Variants in DOCK2 observed in about 807,000 individuals in gnomAD.
DOCK2 encodes the protein dedicator of cytokinesis 2, also known as dedicator of cytokinesis protein 2.
In DOCK2, 87 loss-of-function variants were observed where a neutral mutation model predicts 248.9. The observed-to-expected ratio is 0.35, with a 90% confidence interval of 0.29 to 0.42. DOCK2 has a LOEUF of 0.42. Among genes scored for constraint, DOCK2 ranks in the 10% least tolerant of loss-of-function variants. DOCK2 has a pLI of 1.00. For synonymous variants in DOCK2, 805 were observed against 821.6 expected (o/e 0.98, Z 0.35); for missense variants, 1,747 against 2,300.2 (o/e 0.76, Z 4.92).
chr5:169,703,175 G>A (rs889513220), intron 14 of DOCK2, among the ~76,000 whole-genome samples: 8 of 152,086 alleles, frequency 5.3e-5, no homozygotes, highest in African/African-American at 1.7e-4. Context: ...TAGCATGGGC[G>A]AATATTCCTC....
intron 20 of DOCK2, among the ~76,000 whole-genome samples, chr5:169,716,563 A>G (rs918270064): frequency 6.6e-6 from 1 of 152,236 alleles, no homozygotes; most frequent in Non-Finnish European, 1.5e-5. Context: ...CTGAAGGTAC[A>G]TGAGGCTGGA....
At chr5:169,945,081 A>C (rs1776391558) in intron 27 of DOCK2, among the ~76,000 whole-genome samples, 1 of 152,198 alleles carries the variant, frequency 6.6e-6, no homozygotes, top group Non-Finnish European at 1.5e-5. Flanking sequence ...AGGGACCCTC[A>C]ATTCTCAGAT....
intron 25 of DOCK2, among the ~76,000 whole-genome samples, chr5:169,770,627 T>C (rs932260090): frequency 2.6e-5 from 4 of 152,212 alleles, no homozygotes; most frequent in African/African-American, 7.2e-5. Context: ...ATCATTCCAC[T>C]GCTTTCCTTT....
At chr5:169,775,630 A>T (rs1159878960) in intron 25 of DOCK2, among the ~76,000 whole-genome samples, 1 of 152,022 alleles carries the variant, frequency 6.6e-6, no homozygotes, top group Admixed American at 6.6e-5. Flanking sequence ...AGTTTTATAC[A>T]ATTATAAATA....
chr5:169,695,749 C>A, intron 9 of DOCK2, 54 bp from the exon 10 acceptor site: 2 of 1,602,100 alleles, frequency 1.2e-6, no homozygotes, highest in Admixed American at 1.8e-5. Context: ...TCTTGTCTAC[C>A]TTTTTTCCCC....
At position 169,949,669 on chromosome 5, in the gene DOCK2, G is replaced by A. The variant is rs1221254624; in HGVS notation, c.2800-33399G>A. Among the ~76,000 whole-genome samples the A allele has an allele frequency of 2.1e-5, 3 of 139,728 alleles. 1 individual carries two copies. Among genetic ancestry groups the A allele is most frequent in the East Asian group, 4.0e-4 (2 of 5,052 alleles). 91.7% of individuals were successfully genotyped at this position (139,728 alleles called of 152,430 possible). A position where few individuals can be genotyped will look rare whatever the true frequency, so the allele number is the denominator to read the frequency against. On this transcript the variant is annotated intron_variant, in intron 27 of 51. Coordinates refer to ENST00000520908, the MANE Select transcript of DOCK2 (RefSeq NM_004946.3). ...TGGGCTGTGGCTCACAGAGTAAATAGCATGTTCAATGTGATCTTTAAAATA... is the reference window on the plus strand; with the variant it reads ...TGGGCTGTGGCTCACAGAGTAAATAACATGTTCAATGTGATCTTTAAAATA...
At chr5:169,855,903 C>CAGAAA in intron 27 of DOCK2, among the ~76,000 whole-genome samples, 4 of 152,176 alleles carry the variant, frequency 2.6e-5, no homozygotes, top group African/African-American at 9.7e-5. Context: ...TTAATTTACT[C>CAGAAA]ACAGTTCCAT....
chr5:169,928,499 G>A (rs1775584727), intron 27 of DOCK2, among the ~76,000 whole-genome samples: 2 of 152,206 alleles, frequency 1.3e-5, no homozygotes, highest in African/African-American at 4.8e-5. Context: ...GCTGCTGAGA[G>A]TGAATCCAAG....
In DOCK2 at chr5:170,028,773, G is replaced by A. The variant is rs145515851; in HGVS notation, c.3467+825G>A. 4.1e-3 allele frequency among the ~76,000 whole-genome samples: 625 copies of A among 150,618 alleles called. 10 individuals are homozygous for A. Among genetic ancestry groups the A allele is most frequent in the East Asian group, 0.036 (182 of 5,106 alleles). On this transcript the variant is annotated intron_variant, in intron 34 of 51. Transcript: ENST00000520908. ...CACACACACACACACACACACGCGT[G>A]CGCACACACACCCAAACACTCCCCC...
At chr5:169,825,213 G>A (rs76115426) in intron 26 of DOCK2, among the ~76,000 whole-genome samples, 44,344 of 151,928 alleles carry the variant, frequency 0.29, 8,658 homozygotes, top group African/African-American at 0.56. Context: ...ACATTTTGGC[G>A]ATTCCTCAGG....
At chr5:169,798,132 C>T (rs147496097) in intron 25 of DOCK2, among the ~76,000 whole-genome samples, 112 of 152,330 alleles carry the variant, frequency 7.4e-4, no homozygotes, top group South Asian at 1.7e-3. Context: ...TGGTCTGCAG[C>T]TCCCACAGCC....
chr5:169,686,030 A>G (rs1476840610), intron 8 of DOCK2, among the ~76,000 whole-genome samples: 1 of 152,198 alleles, frequency 6.6e-6, no homozygotes, highest in Non-Finnish European at 1.5e-5. Context: ...CCTAACCTCA[A>G]AGAGTCAGCC....
Position 169,880,683 on chromosome 5 carries a change from A to G in DOCK2, c.2799+39831A>G, listed in dbSNP as rs571021584. Among the ~76,000 whole-genome samples the G allele has an allele frequency of 5.3e-4, 80 of 152,218 alleles. 1 individual carries two copies. The highest frequency in any genetic ancestry group is 1.1e-3 in the Non-Finnish European group (77 of 68,040). ...TATTATTTCATTTGGTCTTCATGGC[A>G]ACTCTGAATAGGGATAATTGTTCCC... On this transcript the variant is annotated intron_variant, in intron 27 of 51. Transcript: ENST00000520908.
chr5:169,652,935 C>T (rs541519963), intron 1 of DOCK2, among the ~76,000 whole-genome samples: 10 of 152,232 alleles, frequency 6.6e-5, no homozygotes, highest in South Asian at 2.1e-4. Context: ...GATCAGCCTA[C>T]GGTCCGTATC....
chr5:169,683,282 T>C (rs1238447904), intron 7 of DOCK2, among the ~76,000 whole-genome samples: 2 of 152,110 alleles, frequency 1.3e-5, no homozygotes, highest in African/African-American at 4.8e-5. Flanking sequence ...CAGGCTGGAG[T>C]ATAATGGTGT....
Position 170,082,960 on chromosome 5 carries a change from C to T in DOCK2, c.*102C>T. ...GAAGCCTCAGAGAGTGGGAGACTGT[C>T]CCCATCAGTTGTCCTTACTTAGAGG... On this transcript the variant is annotated 3_prime_UTR_variant, in exon 52 of 52. Coordinates refer to ENST00000520908, the MANE Select transcript of DOCK2 (RefSeq NM_004946.3). 3 of 1,468,794 alleles carry T rather than the reference C, an allele frequency of 2.0e-6. No individual in the cohort carries two copies. The highest frequency in any genetic ancestry group is 2.8e-6 in the Non-Finnish European group (3 of 1,060,246). The allele number at this position is 1,468,794 out of a possible 1,614,324, so 91.0% of individuals were successfully genotyped here. A position where few individuals can be genotyped will look rare whatever the true frequency, so the allele number is the denominator to read the frequency against.
At chr5:170,009,798 G>A (rs1288065887) in intron 32 of DOCK2, among the ~76,000 whole-genome samples, 2 of 152,186 alleles carry the variant, frequency 1.3e-5, no homozygotes, top group African/African-American at 4.8e-5. Context: ...GAAGCATAGA[G>A]CAGTGGATAG....
chr5:170,033,117 TTTC>T (rs1467188046), intron 34 of DOCK2, among the ~76,000 whole-genome samples: 1 of 152,186 alleles, frequency 6.6e-6, no homozygotes, highest in African/African-American at 2.4e-5. Flanking sequence ...ACTGTGAGGA[TTTC>T]TTAAGAAAAG....
intron 12 of DOCK2, among the ~76,000 whole-genome samples, chr5:169,699,748 C>T (rs1760852909): frequency 6.6e-6 from 1 of 152,176 alleles, no homozygotes; most frequent in Non-Finnish European, 1.5e-5. Context: ...TTAATCCAGG[C>T]CTGAGAGATA....
Sources: allele counts gnomAD v4.1 joint callset (sites outside exome capture counted in the v4.1 genomes callset), GRCh38; gene constraint gnomAD v4.1.1; transcripts MANE v1.5; gene names NCBI Gene and HGNC (gene_info 2026-07-23, HGNC 2026-07-21).